The following SMG1 variants were observed in gnomAD, a reference collection of about 807,000 sequenced individuals.
SMG1 encodes the protein SMG1 nonsense mediated mRNA decay associated PI3K related kinase.
Under a neutral mutation model 419.9 loss-of-function variants are expected in SMG1, and 22 were observed. The ratio of observed to expected loss-of-function variants is 0.05; its 90% CI spans 0.04 to 0.07. The LOEUF (loss-of-function observed/expected upper bound fraction) is 0.07, where lower values mean the gene tolerates loss of function less well. SMG1 is among the 10% of genes least tolerant of loss of function. The pLI, the probability that SMG1 is intolerant of heterozygous loss-of-function variation, is 1.00. For synonymous variants in SMG1, 1,538 were observed against 1,553.5 expected, an observed-to-expected ratio of 0.99 and a Z score of 0.23; for missense variants, 3,185 against 4,342.0, an observed-to-expected ratio of 0.73 and a Z score of 7.49.
chr16:18,900,742 C>T (rs1315722615), intron 1 of SMG1, among the ~76,000 whole-genome samples: 1 of 152,148 alleles, frequency 6.6e-6, no homozygotes, highest in African/African-American at 2.4e-5. Flanking sequence ...TAGGAATGTA[C>T]TTATTCTCTA....
Position 18,852,140 on chromosome 16 carries a change from G to C in SMG1, c.4979C>G (p.Thr1660Ser). Residue 1660 changes from threonine to serine, a missense_variant, in exon 33 of 63, where the codon ACT (threonine) becomes AGT (serine). Thr to Ser is a moderately conservative substitution (Grantham distance 58). This residue lies in a region of SMG1 where 493 missense variants were observed against 552.9 expected (regional missense o/e 0.89). Coordinates refer to ENST00000446231, the MANE Select transcript of SMG1 (RefSeq NM_015092.5). ...KSEVQNLLPD[T>S]ITEEEKERIY... Reference sequence around the variant, plus strand: ...TCTCTCTTTCTCTTCCTCAGTTATAGTGTCTGGAAGTAGATTCTGAACTTC... The same window carrying C: ...TCTCTCTTTCTCTTCCTCAGTTATACTGTCTGGAAGTAGATTCTGAACTTC... 1 of 1,613,828 alleles carries C rather than the reference G, an allele frequency of 6.2e-7. No homozygotes were observed. Among genetic ancestry groups the C allele is most frequent in the African/African-American group, 1.3e-5 (1 of 74,994 alleles).
At chr16:18,829,874 C>T (rs777964206) in intron 53 of SMG1, 52 bp downstream of exon 53, 70 of 1,459,044 alleles carry the variant, frequency 4.8e-5, no homozygotes, top group Non-Finnish European at 6.1e-5. Flanking sequence ...ATCCTGCCCC[C>T]TTCCATAGTG....
In SMG1 at chr16:18,835,272, T is replaced by A. The variant is rs2033485033; in HGVS notation, c.8058-108A>T. ...AAACTTGAAGAGTAGAAATCATTAT[T>A]TACATTTTACAGATAAAAATGTCTC... On this transcript the variant is annotated intron_variant, in intron 48 of 62. Transcript: ENST00000446231. 8.8e-6 allele frequency: 10 copies of A among 1,138,470 alleles called. No individual in the cohort carries two copies. In the South Asian group the frequency reaches 1.6e-4, roughly 18 times the overall value. The allele number at this position is 1,138,470 out of a possible 1,614,324, so 70.5% of individuals were successfully genotyped here.
chr16:18,844,974 G>T (rs1240924468), intron 39 of SMG1, among the ~76,000 whole-genome samples: 1 of 152,186 alleles, frequency 6.6e-6, no homozygotes, highest in African/African-American at 2.4e-5. Context: ...AGCATATGTG[G>T]AATTGATTCC....
Position 18,806,704 on chromosome 16 carries a change from CCT to C in SMG1, c.*2863_*2864del, listed in dbSNP as rs1162247968. On this transcript the variant is annotated 3_prime_UTR_variant, in exon 63 of 63. Coordinates refer to ENST00000446231, the MANE Select transcript of SMG1 (RefSeq NM_015092.5). ...GTTGTTTGTAGGTTATTCTGTACCC[CCT>C]GATTCTTAAAGAAAGTGGAGGAGAG... The C allele has an allele frequency of 7.9e-5, 12 of 152,030 alleles. No homozygotes were observed. The highest frequency in any genetic ancestry group is 2.4e-4 in the African/African-American group (10 of 41,344). The allele number at this position is 152,030 out of a possible 1,614,324, so 9.4% of individuals were successfully genotyped here.
At chr16:18,903,338 C>A (rs2037422251) in intron 1 of SMG1, among the ~76,000 whole-genome samples, 1 of 152,146 alleles carries the variant, frequency 6.6e-6, no homozygotes, top group Non-Finnish European at 1.5e-5. Context: ...CAGAGAAAAG[C>A]TGAAGAAAGT....
intron 29 of SMG1, among the ~76,000 whole-genome samples, chr16:18,855,944 T>C (rs1400640599): frequency 6.6e-6 from 1 of 152,136 alleles, no homozygotes; most frequent in Non-Finnish European, 1.5e-5. Flanking sequence ...AGCATTCAAT[T>C]CCAATCTCAA....
In SMG1 at chr16:18,877,144, T is replaced by C. The variant is rs1419155853; in HGVS notation, c.1607A>G (p.His536Arg). 3.9e-6 allele frequency: 6 copies of C among 1,548,550 alleles called. No homozygotes were observed. The highest frequency in any genetic ancestry group is 1.2e-5 in the South Asian group (1 of 86,116). The change falls in exon 12 of 63, where the codon CAT (histidine) becomes CGT (arginine). Residue 536 changes from histidine (H) to arginine (R), a missense_variant. Coordinates refer to ENST00000446231, the MANE Select transcript of SMG1 (RefSeq NM_015092.5). ...TGTATTACTTACCTCTTTTTCTTTATGATAACGCAAGAATAGTAGTTTAGA... is the reference window on the plus strand; with the variant it reads ...TGTATTACTTACCTCTTTTTCTTTACGATAACGCAAGAATAGTAGTTTAGA... Reference protein sequence around the residue: ...PSSKLLFLRYHKEKEVVAVAH... With the variant: ...PSSKLLFLRYRKEKEVVAVAH...
Position 18,853,668 on chromosome 16 carries a change from C to T in SMG1, c.4683G>A (p.Leu1561=). The T allele has an allele frequency of 6.2e-7, 1 of 1,613,166 alleles. No homozygotes were observed. Among genetic ancestry groups the T allele is most frequent in the Non-Finnish European group, 8.5e-7 (1 of 1,179,540 alleles). The part of the protein sequence containing the change: ...HQQNFTGLST[L]SKNILTLIEL... ...CTATTAGAGTGAGTATGTTTTTAGA[C>T]AAAGTAGAAAGACCTGTGAAGTTCT... is the stretch of plus-strand genomic sequence containing the variant. The change falls in exon 31 of 63, where the codon TTG becomes TTA. Residue 1561 remains leucine (L), a synonymous_variant. Coordinates refer to ENST00000446231, the MANE Select transcript of SMG1 (RefSeq NM_015092.5).
rs766024917 is a variant in SMG1 at position 18,890,844 on chromosome 16, AC to A, written c.608+18del. On this transcript the variant is annotated intron_variant, in intron 5 of 62. Coordinates refer to ENST00000446231, the MANE Select transcript of SMG1 (RefSeq NM_015092.5). ...TATATTTTAAAGTCATTTAAACTGA[AC>A]CATTATTAGTTACTTACCTTTCATT... 6.8e-7 allele frequency: 1 copy of A among 1,469,126 alleles called. No individual in the cohort carries two copies. The highest frequency in any genetic ancestry group is 9.5e-7 in the Non-Finnish European group (1 of 1,051,002). The allele number at this position is 1,469,126 out of a possible 1,614,324, so 91.0% of individuals were successfully genotyped here. A position where few individuals can be genotyped will look rare whatever the true frequency, so the allele number is the denominator to read the frequency against.
At chr16:18,837,913 G>T in intron 45 of SMG1, 101 bp downstream of exon 45, 1 of 1,299,166 alleles carries the variant, frequency 7.7e-7, no homozygotes, top group Non-Finnish European at 1.1e-6. Context: ...CATTAGTTTT[G>T]CCAAAAAAAT....
At chr16:18,841,479 C>A in intron 41 of SMG1, 86 bp downstream of exon 41, 4 of 1,199,158 alleles carry the variant, frequency 3.3e-6, no homozygotes, top group Non-Finnish European at 3.6e-6. Context: ...TGCTTATAAA[C>A]ATGCAAAAAT....
At chr16:18,810,852 C>A (rs1339711512) in intron 62 of SMG1, among the ~76,000 whole-genome samples, 1 of 152,112 alleles carries the variant, frequency 6.6e-6, no homozygotes, top group Non-Finnish European at 1.5e-5. Context: ...GCTAAGATGT[C>A]TGCAAAGAAC....
At chr16:18,816,723 T>C (rs1368323194) in intron 57 of SMG1, among the ~76,000 whole-genome samples, 194 bp from the exon 58 acceptor site, 4 of 152,250 alleles carry the variant, frequency 2.6e-5, no homozygotes, top group Non-Finnish European at 5.9e-5. Flanking sequence ...TGAAGATTTT[T>C]ACTTTTCTGC....
intron 1 of SMG1, among the ~76,000 whole-genome samples, chr16:18,904,641 A>G (rs113298196): frequency 5.9e-5 from 9 of 151,826 alleles, no homozygotes; most frequent in African/African-American, 2.2e-4. Flanking sequence ...TGTCTCAAAA[A>G]AAAATAAAAT....
intron 1 of SMG1, among the ~76,000 whole-genome samples, chr16:18,914,095 A>G (rs1214873394): frequency 6.7e-6 from 1 of 150,278 alleles, no homozygotes; most frequent in Non-Finnish European, 1.5e-5. Context: ...TGAACCCAGG[A>G]GGTAGAGGTT....
rs1244231122 is a variant in SMG1, at chr16:18,812,069, T to C, written c.10680A>G (p.Arg3560=). 1.9e-6 allele frequency: 3 copies of C among 1,613,826 alleles called. No individual in the cohort carries two copies. The highest frequency in any genetic ancestry group is 2.5e-6 in the Non-Finnish European group (3 of 1,179,860). Residue 3560 remains arginine (R), a synonymous_variant, in exon 61 of 63, where the codon AGA becomes AGG. Transcript: ENST00000446231. ...TQPDVMSQNA[R]KLIQKNLATS... is the part of the protein sequence containing the mutation. Reference sequence around the variant, plus strand: ...TAGCAAGATTTTTTTGGATCAGCTTTCTAGCATTCTGTGACATGACATCAG... The same window carrying C: ...TAGCAAGATTTTTTTGGATCAGCTTCCTAGCATTCTGTGACATGACATCAG...
At position 18,806,639 on chromosome 16, in the gene SMG1, C is replaced by CT. The variant is rs965279768; in HGVS notation, c.*2929dup. ...CTAGTAAATTAAAGACAGCAAAAAA[C>CT]TTAAGATTGAACTTCAATTTCCAAG... On this transcript the variant is annotated 3_prime_UTR_variant, in exon 63 of 63. Transcript: ENST00000446231. 2 of 152,082 alleles carry CT rather than the reference C, an allele frequency of 1.3e-5. No homozygotes were observed. The highest frequency in any genetic ancestry group is 4.8e-5 in the African/African-American group (2 of 41,424). The allele number at this position is 152,082 out of a possible 1,614,324, so 9.4% of individuals were successfully genotyped here.
rs1041839377 is a variant in SMG1, at chr16:18,849,202, T to C, written c.5623+15A>G. ...TCATTTATACTCAAAGTAGCAATATTTGAATATTCCATACCTGAAGCCTGG... is the reference window on the plus strand; with the variant it reads ...TCATTTATACTCAAAGTAGCAATATCTGAATATTCCATACCTGAAGCCTGG... On this transcript the variant is annotated intron_variant, in intron 36 of 62. Coordinates refer to ENST00000446231, the MANE Select transcript of SMG1 (RefSeq NM_015092.5). 1.9e-6 allele frequency: 3 copies of C among 1,558,232 alleles called. No homozygotes were observed. Among genetic ancestry groups the C allele is most frequent in the East Asian group, 4.5e-5 (2 of 44,100 alleles).
Sources: allele counts gnomAD v4.1 joint callset (sites outside exome capture counted in the v4.1 genomes callset), GRCh38; gene constraint gnomAD v4.1.1; regional missense constraint gnomAD v4.1.1; transcripts MANE v1.5; gene names NCBI Gene and HGNC (gene_info 2026-07-23, HGNC 2026-07-21).